Variants in CCSER1 observed in about 807,000 individuals in gnomAD.
The protein encoded by CCSER1 is serine-rich coiled-coil domain-containing protein 1.
In CCSER1, 41 loss-of-function variants were observed where a neutral mutation model predicts 82.0. That is an observed-to-expected ratio of 0.50 (90% CI 0.39 to 0.65). The LOEUF (loss-of-function observed/expected upper bound fraction) is 0.65. Ranked by LOEUF, CCSER1 falls within the 30% of genes least tolerant of loss-of-function variation. CCSER1 has a pLI of 0.00. For missense variants in CCSER1, 1,119 were observed against 1,064.2 expected (o/e 1.05, Z -0.72); for synonymous variants, 414 against 383.9 (o/e 1.08, Z -0.92).
chr4:90,664,877 G>A (rs1312170538), intron 6 of CCSER1, among the ~76,000 whole-genome samples: 2 of 152,152 alleles, frequency 1.3e-5, no homozygotes, highest in African/African-American at 4.8e-5. Flanking sequence ...TCCAGCCTGG[G>A]CAATAAGAAT....
chr4:91,486,033 C>A (rs568354751), intron 10 of CCSER1, among the ~76,000 whole-genome samples: 1 of 152,058 alleles, frequency 6.6e-6, no homozygotes, highest in African/African-American at 2.4e-5. Flanking sequence ...CATCCTTTTA[C>A]ACCACTTTAT....
rs552411760 is a variant in CCSER1, at chr4:91,368,545, TAA to T, written c.2218-230026_2218-230025del. Among the ~76,000 whole-genome samples, 131 of 152,266 alleles carry T rather than the reference TAA, an allele frequency of 8.6e-4. 1 individual carries two copies. The highest frequency in any genetic ancestry group is 3.0e-3 in the African/African-American group (123 of 41,570). ...TTGTTTCTCTTCTTCTAAAAACATATAAGAGATATGTTTTATGATAAATATTT... is the reference window on the plus strand; with the variant it reads ...TTGTTTCTCTTCTTCTAAAAACATATGAGATATGTTTTATGATAAATATTT... On this transcript the variant is annotated intron_variant, in intron 10 of 10. Transcript: ENST00000509176.
At chr4:90,231,035 C>T in intron 1 of CCSER1, among the ~76,000 whole-genome samples, 1 of 152,096 alleles carries the variant, frequency 6.6e-6, no homozygotes, top group Non-Finnish European at 1.5e-5. Flanking sequence ...CTGAATTCTA[C>T]CAGAGGTACA....
chr4:90,995,677 A>G (rs926479216), intron 9 of CCSER1, among the ~76,000 whole-genome samples: 13 of 152,110 alleles, frequency 8.5e-5, no homozygotes, highest in African/African-American at 2.9e-4. Flanking sequence ...AACTCAAATC[A>G]AAATGCATAG....
intron 9 of CCSER1, among the ~76,000 whole-genome samples, chr4:90,964,966 A>G (rs1443731221): frequency 2.6e-5 from 4 of 151,922 alleles, no homozygotes; most frequent in Non-Finnish European, 5.9e-5. Flanking sequence ...CATCTGTGTA[A>G]AAGATCACCT....
Position 91,599,140 on chromosome 4 carries a change from A to T in CCSER1, c.*83A>T. 2 of 1,369,486 alleles carry T rather than the reference A, an allele frequency of 1.5e-6. No homozygotes were observed. The highest frequency in any genetic ancestry group is 1.9e-6 in the Non-Finnish European group (2 of 1,040,464). The allele number at this position is 1,369,486 out of a possible 1,614,324, so 84.8% of individuals were successfully genotyped here. A position where few individuals can be genotyped will look rare whatever the true frequency, so the allele number is the denominator to read the frequency against. On this transcript the variant is annotated 3_prime_UTR_variant, in exon 11 of 11. Coordinates refer to ENST00000509176, the MANE Select transcript of CCSER1 (RefSeq NM_001145065.2). ...ATAGTTCATATTAAAATTGTCATGT[A>T]CTTTTTCTTACATTTTAGTTATAAA... is the stretch of plus-strand genomic sequence containing the variant.
intron 7 of CCSER1, among the ~76,000 whole-genome samples, chr4:90,793,875 G>T (rs751626586): frequency 1.3e-5 from 2 of 152,100 alleles, no homozygotes; most frequent in Non-Finnish European, 2.9e-5. Flanking sequence ...CTGTGAGGTG[G>T]TGTCTCATTG....
At chr4:90,310,588 A>G (rs1161693414) in intron 2 of CCSER1, among the ~76,000 whole-genome samples, 1 of 152,090 alleles carries the variant, frequency 6.6e-6, no homozygotes, top group Non-Finnish European at 1.5e-5. Context: ...CACAAAACTA[A>G]TAATTCATTT....
At chr4:91,201,702 C>G (rs1224082496) in intron 10 of CCSER1, among the ~76,000 whole-genome samples, 1 of 151,890 alleles carries the variant, frequency 6.6e-6, no homozygotes, top group Non-Finnish European at 1.5e-5. Flanking sequence ...TTCTGATATT[C>G]TTAGTGTATT....
chr4:90,132,036 C>A (rs1722908632), intron 1 of CCSER1, among the ~76,000 whole-genome samples: 1 of 152,040 alleles, frequency 6.6e-6, no homozygotes, highest in Non-Finnish European at 1.5e-5. Flanking sequence ...AATAAATAAC[C>A]AAATGGAATT....
chr4:91,046,343 T>G (rs1742486452), intron 9 of CCSER1, among the ~76,000 whole-genome samples: 1 of 136,554 alleles, frequency 7.3e-6, no homozygotes, highest in Admixed American at 7.6e-5. Context: ...TAGTTTTTCA[T>G]TTTTAGAAAA....
intron 10 of CCSER1, among the ~76,000 whole-genome samples, chr4:91,493,030 A>G (rs1758631412): frequency 6.6e-6 from 1 of 151,964 alleles, no homozygotes; most frequent in South Asian, 2.1e-4. Flanking sequence ...ATGATAGGAG[A>G]TCTCTGAAAG....
intron 10 of CCSER1, among the ~76,000 whole-genome samples, chr4:91,405,488 A>G (rs1752640465): frequency 6.6e-6 from 1 of 152,234 alleles, no homozygotes; most frequent in African/African-American, 2.4e-5. Flanking sequence ...GAGCTTCTGC[A>G]CAGCAAAAGA....
intron 10 of CCSER1, among the ~76,000 whole-genome samples, chr4:91,308,989 T>G (rs1341301442): frequency 6.6e-6 from 1 of 152,020 alleles, no homozygotes; most frequent in African/African-American, 2.4e-5. Flanking sequence ...GCCTAAACCC[T>G]ATGGGAAAGT....
At chr4:91,178,300 G>A (rs563854922) in intron 10 of CCSER1, among the ~76,000 whole-genome samples, 47 of 152,274 alleles carry the variant, frequency 3.1e-4, no homozygotes, top group Admixed American at 9.8e-4. Context: ...GATTTGGGGT[G>A]GAGAGTTCTG....
At chr4:90,824,485 A>G (rs1760160987) in intron 8 of CCSER1, among the ~76,000 whole-genome samples, 1 of 152,256 alleles carries the variant, frequency 6.6e-6, no homozygotes, top group South Asian at 2.1e-4. Context: ...TAAGAAATAC[A>G]TATGGCTAAC....
intron 10 of CCSER1, among the ~76,000 whole-genome samples, chr4:91,439,149 C>A (rs28775874): frequency 6.6e-6 from 1 of 151,958 alleles, no homozygotes; most frequent in Non-Finnish European, 1.5e-5. Context: ...AGATACTCCT[C>A]GAGAAGAGCA....
intron 10 of CCSER1, among the ~76,000 whole-genome samples, chr4:91,235,966 A>G (rs1378235717): frequency 6.6e-6 from 1 of 152,162 alleles, no homozygotes; most frequent in Non-Finnish European, 1.5e-5. Context: ...GCTTTAACTG[A>G]GTTAGACACA....
intron 6 of CCSER1, among the ~76,000 whole-genome samples, chr4:90,667,828 C>G (rs1282005973): frequency 1.3e-5 from 2 of 152,062 alleles, no homozygotes; most frequent in African/African-American, 4.8e-5. Context: ...ATGGTCATTG[C>G]TATGATTTTT....
Sources: gnomAD v4.1 joint callset for allele counts (sites outside exome capture counted in the v4.1 genomes callset) on GRCh38, gnomAD v4.1.1 for gene constraint, MANE v1.5 for transcripts, NCBI Gene and HGNC (gene_info 2026-07-23, HGNC 2026-07-21) for gene names.